SORD: variants seen among roughly 807,000 people sequenced by gnomAD.
The protein encoded by SORD is sorbitol dehydrogenase.
In SORD, 18 loss-of-function variants were observed where a neutral mutation model predicts 35.6. That is an observed-to-expected ratio of 0.51 (90% confidence interval 0.35 to 0.75). The LOEUF (loss-of-function observed/expected upper bound fraction) is 0.75, where lower values mean the gene tolerates loss of function less well. Ranked by LOEUF, SORD falls within the 30% of genes least tolerant of loss-of-function variation. The pLI is 0.01. For missense variants in SORD, 250 were observed against 390.2 expected (o/e 0.64, Z 3.03); for synonymous variants, 106 against 152.9 (o/e 0.69, Z 2.26).
At chr15:45,063,745 G>A (rs1313460680) in intron 4 of SORD, among the ~76,000 whole-genome samples, 2 of 152,226 alleles carry the variant, frequency 1.3e-5, no homozygotes, top group Admixed American at 1.3e-4. Context: ...ATGTGGAAGG[G>A]CAGGCGTGTC....
chr15:45,041,937 T>C (rs1251357618), intron 2 of SORD: 1 of 152,244 alleles, frequency 6.6e-6, no homozygotes, highest in Non-Finnish European at 1.5e-5. Context: ...CTAACTCAAA[T>C]GCCTTTTCCC....
At chr15:45,030,573 C>T (rs1188191008) in intron 1 of SORD, among the ~76,000 whole-genome samples, 1 of 152,224 alleles carries the variant, frequency 6.6e-6, no homozygotes, top group Non-Finnish European at 1.5e-5. Context: ...ACACAGTGAG[C>T]ACTTATCAAG....
chr15:45,063,964 T>C (rs1396977078), intron 4 of SORD, among the ~76,000 whole-genome samples: 2 of 148,336 alleles, frequency 1.3e-5, no homozygotes, highest in South Asian at 2.3e-4. Context: ...TGGGCCTCCA[T>C]TGGCCTGGTG....
At chr15:45,052,094 C>T (rs1253413680) in intron 3 of SORD, among the ~76,000 whole-genome samples, 1 of 152,214 alleles carries the variant, frequency 6.6e-6, no homozygotes, top group Admixed American at 6.6e-5. Flanking sequence ...ATTTTACTTT[C>T]CTTACACACC....
chr15:45,059,699 G>A (rs1164036828), intron 3 of SORD, among the ~76,000 whole-genome samples: 1 of 152,128 alleles, frequency 6.6e-6, no homozygotes, highest in Non-Finnish European at 1.5e-5. Context: ...GTCTTCCTAT[G>A]TTGCTCTTGA....
chr15:45,034,790 C>A (rs576568211), intron 1 of SORD, among the ~76,000 whole-genome samples: 11 of 152,356 alleles, frequency 7.2e-5, no homozygotes, highest in Admixed American at 2.0e-4. Flanking sequence ...TCTGGGTTGG[C>A]CAAGGCCGGA....
rs1293966105 is a variant in SORD, at chr15:45,023,207, C to G, written c.-77C>G. On this transcript the variant is annotated 5_prime_UTR_variant, in exon 1 of 9. Coordinates refer to ENST00000267814, the MANE Select transcript of SORD (RefSeq NM_003104.6). ...CCACCTTCCATCCAGTGCCCTGGAC[C>G]CTCGGCTGGGTAGCGCCACCAGAGC... 9 of 1,309,568 alleles carry G rather than the reference C, an allele frequency of 6.9e-6. No homozygotes were observed. The highest frequency in any genetic ancestry group is 9.3e-6 in the Non-Finnish European group (9 of 972,964). The allele number at this position is 1,309,568 out of a possible 1,614,324, so 81.1% of individuals were successfully genotyped here.
intron 5 of SORD, 26 bp downstream of exon 5, chr15:45,065,415 C>T (rs1382668342): frequency 2.5e-5 from 39 of 1,577,646 alleles, no homozygotes; most frequent in Admixed American, 3.8e-5. Flanking sequence ...CACCCTGTTG[C>T]GGGTTCATTG....
intron 3 of SORD, among the ~76,000 whole-genome samples, chr15:45,049,370 A>T (rs1424354005): frequency 2.6e-5 from 4 of 152,122 alleles, no homozygotes; most frequent in Non-Finnish European, 5.9e-5. Flanking sequence ...TCTGGGGCTT[A>T]TCTAAGGGTC....
intron 3 of SORD, among the ~76,000 whole-genome samples, chr15:45,056,647 A>G (rs916904310): frequency 6.6e-6 from 1 of 152,208 alleles, no homozygotes; most frequent in Non-Finnish European, 1.5e-5. Context: ...GCCAGTTAAC[A>G]TTTAGGGAGT....
At chr15:45,071,266 G>C (rs1453210209) in intron 7 of SORD, among the ~76,000 whole-genome samples, 1 of 152,200 alleles carries the variant, frequency 6.6e-6, no homozygotes, top group Non-Finnish European at 1.5e-5. Context: ...TCACCACCAG[G>C]TAGAGAGGAA....
chr15:45,045,702 T>TC, intron 3 of SORD, among the ~76,000 whole-genome samples: 1 of 151,806 alleles, frequency 6.6e-6, no homozygotes, highest in Non-Finnish European at 1.5e-5. Context: ...TTTATAAAAG[T>TC]CCCCCTTTAA....
At chr15:45,053,507 T>C (rs938277419) in intron 3 of SORD, among the ~76,000 whole-genome samples, 1 of 152,214 alleles carries the variant, frequency 6.6e-6, no homozygotes. Context: ...GACTTCCAAC[T>C]TTTTTCTGCC....
intron 1 of SORD, among the ~76,000 whole-genome samples, chr15:45,040,186 CTG>C (rs1892944124): frequency 1.3e-5 from 2 of 151,790 alleles, no homozygotes; most frequent in Non-Finnish European, 1.5e-5. Flanking sequence ...GGGTCCGTCA[CTG>C]TGTTATGCAG....
intron 1 of SORD, among the ~76,000 whole-genome samples, chr15:45,038,816 C>G (rs1892917489): frequency 6.6e-6 from 1 of 152,134 alleles, no homozygotes; most frequent in South Asian, 2.1e-4. Flanking sequence ...TAGTTAGGCC[C>G]TTTTGGAAGG....
At chr15:45,050,290 C>T (rs982592220) in intron 3 of SORD, among the ~76,000 whole-genome samples, 1 of 152,200 alleles carries the variant, frequency 6.6e-6, no homozygotes, top group Non-Finnish European at 1.5e-5. Context: ...ACCGTGTTAG[C>T]CAGGATGGTC....
intron 1 of SORD, among the ~76,000 whole-genome samples, chr15:45,034,431 G>A (rs1325310675): frequency 6.6e-6 from 1 of 152,146 alleles, no homozygotes; most frequent in Non-Finnish European, 1.5e-5. Flanking sequence ...CAGTTATGCA[G>A]GTGGAAGTAG....
chr15:45,060,512 G>A (rs1169274799), intron 3 of SORD, among the ~76,000 whole-genome samples: 4 of 152,234 alleles, frequency 2.6e-5, no homozygotes, highest in Middle Eastern at 6.8e-3. Flanking sequence ...GGCCTTTGCA[G>A]TTCTACTACC....
chr15:45,041,850 C>A (rs1316936503), intron 2 of SORD: 1 of 152,142 alleles, frequency 6.6e-6, no homozygotes, highest in Non-Finnish European at 1.5e-5. Context: ...TGCATTTCAG[C>A]GAGTGTTCTA....
Sources: allele counts gnomAD v4.1 joint callset (sites outside exome capture counted in the v4.1 genomes callset), GRCh38; gene constraint gnomAD v4.1.1; transcripts MANE v1.5; gene names NCBI Gene and HGNC (gene_info 2026-07-23, HGNC 2026-07-21).